Variants in HAT1 observed in about 807,000 individuals in gnomAD.
HAT1 encodes the protein histone acetyltransferase type B catalytic subunit.
Under a neutral mutation model 56.6 loss-of-function variants are expected in HAT1, and 20 were observed. The observed-to-expected ratio is 0.35, with a 90% CI of 0.25 to 0.51. The LOEUF (loss-of-function observed/expected upper bound fraction) is 0.51, where lower values mean the gene tolerates loss of function less well. Among genes scored for constraint, HAT1 ranks in the 20% least tolerant of loss-of-function variants. The pLI, the probability that HAT1 is intolerant of heterozygous loss-of-function variation, is 0.95. For missense variants in HAT1, 408 were observed against 504.3 expected (o/e 0.81, Z 1.83); for synonymous variants, 146 against 165.5 (o/e 0.88, Z 0.91).
At chr2:171,976,644 C>A (rs1389197532) in intron 9 of HAT1, among the ~76,000 whole-genome samples, 1 of 152,138 alleles carries the variant, frequency 6.6e-6, no homozygotes, top group African/African-American at 2.4e-5. Flanking sequence ...CCCCTGGAGA[C>A]ATTATTGGTG....
intron 2 of HAT1, among the ~76,000 whole-genome samples, chr2:171,944,872 ATCT>A (rs1020450226): frequency 6.6e-6 from 1 of 152,032 alleles, no homozygotes; most frequent in Non-Finnish European, 1.5e-5. Context: ...TCTACAGTTT[ATCT>A]TCTTTTTTCC....
intron 1 of HAT1, among the ~76,000 whole-genome samples, chr2:171,925,141 C>T (rs930726361): frequency 2.1e-5 from 3 of 143,478 alleles, no homozygotes; most frequent in African/African-American, 7.8e-5. Context: ...GGCATGATCT[C>T]GGCTCACTGC....
intron 2 of HAT1, among the ~76,000 whole-genome samples, chr2:171,927,180 A>G (rs1686619955): frequency 1.3e-5 from 2 of 152,216 alleles, no homozygotes; most frequent in African/African-American, 4.8e-5. Flanking sequence ...AATTATGGAA[A>G]TGTTTGAAAG....
intron 9 of HAT1, among the ~76,000 whole-genome samples, chr2:171,976,951 A>T (rs1485554380): frequency 6.7e-6 from 1 of 149,896 alleles, no homozygotes; most frequent in East Asian, 2.0e-4. Context: ...CGAGGCGGAC[A>T]GATCATGAGG....
At chr2:171,961,886 T>C (rs961045096) in intron 4 of HAT1, among the ~76,000 whole-genome samples, 8 of 121,030 alleles carry the variant, frequency 6.6e-5, no homozygotes, top group African/African-American at 2.1e-4. Flanking sequence ...GAATTTCTTT[T>C]GCTTGTTTTT....
intron 4 of HAT1, chr2:171,965,136 T>A (rs1687653117): frequency 1.9e-6 from 1 of 514,428 alleles, no homozygotes; most frequent in African/African-American, 2.0e-5. Flanking sequence ...CTTATTTACT[T>A]TTATATTATG....
At chr2:171,957,169 C>T (rs1411878146) in intron 4 of HAT1, among the ~76,000 whole-genome samples, 1 of 152,198 alleles carries the variant, frequency 6.6e-6, no homozygotes, top group African/African-American at 2.4e-5. Context: ...CTCCAAATTT[C>T]ACAGGCAGGA....
intron 4 of HAT1, among the ~76,000 whole-genome samples, chr2:171,962,021 C>G (rs1445265141): frequency 6.6e-6 from 1 of 151,656 alleles, no homozygotes; most frequent in Non-Finnish European, 1.5e-5. Flanking sequence ...TCAAAAATAA[C>G]TAGACAAATT....
At chr2:171,982,391 A>G (rs1688153614) in intron 10 of HAT1, among the ~76,000 whole-genome samples, 1 of 152,094 alleles carries the variant, frequency 6.6e-6, no homozygotes, top group South Asian at 2.1e-4. Flanking sequence ...CCTTCCTCAT[A>G]TCACCCAGTA....
In HAT1 at chr2:171,967,032, CTA is replaced by C. The variant is rs550265144; in HGVS notation, c.823+85_823+86del. The C allele has an allele frequency of 6.8e-4, 456 of 667,742 alleles. 3 individuals are homozygous for C. Among genetic ancestry groups the C allele is most frequent in the Non-Finnish European group, 7.9e-4 (297 of 375,232 alleles). The allele number at this position is 667,742 out of a possible 1,614,324, so 41.4% of individuals were successfully genotyped here. The stretch of plus-strand genomic sequence containing the variant: ...TTGATTTTATTTTTGTCAGAAATAA[CTA>C]TTTTAAACAGCAACATTTTCCTAGG... On this transcript the variant is annotated intron_variant, in intron 8 of 10. Coordinates refer to ENST00000264108, the MANE Select transcript of HAT1 (RefSeq NM_003642.4).
chr2:171,968,239 T>C (rs1687728755), intron 8 of HAT1, among the ~76,000 whole-genome samples: 1 of 152,170 alleles, frequency 6.6e-6, no homozygotes, highest in Admixed American at 6.5e-5. Flanking sequence ...TAGTGACTTA[T>C]AAAATTGTAG....
chr2:171,958,372 C>T (rs1251831353), intron 4 of HAT1, among the ~76,000 whole-genome samples: 5 of 151,570 alleles, frequency 3.3e-5, no homozygotes, highest in Non-Finnish European at 5.9e-5. Flanking sequence ...GATACATGTG[C>T]AGAACTTGCA....
At chr2:171,973,453 T>C (rs116663276) in intron 8 of HAT1, among the ~76,000 whole-genome samples, 3,318 of 149,028 alleles carry the variant, frequency 0.022, 57 homozygotes, top group Middle Eastern at 0.04. Context: ...AGGGATTACA[T>C]TGAATCTGTC....
intron 9 of HAT1, among the ~76,000 whole-genome samples, chr2:171,977,543 ATATATATATATATATT>A (rs1375469898): frequency 6.5e-4 from 9 of 13,858 alleles, no homozygotes; most frequent in Non-Finnish European, 2.6e-4. Context: ...ATATATATAT[ATATATATATATATATT>A]TTTTTTTTTT....
chr2:171,923,182 A>T (rs75840766), intron 1 of HAT1: 1 of 147,798 alleles, frequency 6.8e-6, no homozygotes, highest in Non-Finnish European at 1.5e-5. Context: ...ACAACATTTA[A>T]TAATGTATAA....
intron 10 of HAT1, chr2:171,979,903 G>C (rs1345225035): frequency 6.6e-6 from 1 of 152,536 alleles, no homozygotes; most frequent in African/African-American, 2.4e-5. Context: ...GATCACTTGA[G>C]GTCAGGAGTT....
chr2:171,926,145 TCTCA>T (rs921621671), intron 2 of HAT1, among the ~76,000 whole-genome samples: 3 of 151,858 alleles, frequency 2.0e-5, no homozygotes, highest in Non-Finnish European at 4.4e-5. Flanking sequence ...ACAAGGAAGG[TCTCA>T]CTCTATCACC....
intron 2 of HAT1, among the ~76,000 whole-genome samples, chr2:171,940,312 A>G (rs1686987303): frequency 6.6e-6 from 1 of 152,172 alleles, no homozygotes; most frequent in African/African-American, 2.4e-5. Context: ...CTTGTTGTCA[A>G]CATTGGTAGA....
At chr2:171,968,934 CTAA>C in intron 8 of HAT1, among the ~76,000 whole-genome samples, 1 of 152,240 alleles carries the variant, frequency 6.6e-6, no homozygotes, top group South Asian at 2.1e-4. Flanking sequence ...ATAGCCAGAT[CTAA>C]TAATAATTGA....
Sources: gnomAD v4.1 joint callset for allele counts (sites outside exome capture counted in the v4.1 genomes callset) on GRCh38, gnomAD v4.1.1 for gene constraint, MANE v1.5 for transcripts, NCBI Gene and HGNC (gene_info 2026-07-23, HGNC 2026-07-21) for gene names.